Variants in FAM184A observed in about 807,000 individuals in gnomAD.
The protein encoded by FAM184A is protein FAM184A.
A neutral mutation model predicts 143.8 loss-of-function variants in FAM184A; 99 were observed. The observed-to-expected ratio is 0.69, with a 90% confidence interval of 0.58 to 0.81. FAM184A has a LOEUF of 0.81. FAM184A is among the 40% of genes least tolerant of loss of function. The pLI, the probability that FAM184A is intolerant of heterozygous loss-of-function variation, is 0.00. For synonymous variants in FAM184A, 427 were observed against 446.4 expected (o/e 0.96, Z 0.55); for missense variants, 1,217 against 1,310.5 (o/e 0.93, Z 1.10).
intron 1 of FAM184A, among the ~76,000 whole-genome samples, chr6:119,123,214 C>T (rs867216369): frequency 2.0e-5 from 3 of 151,918 alleles, no homozygotes; most frequent in Non-Finnish European, 4.4e-5. Flanking sequence ...CATGGTGAAA[C>T]CCCATCTCTA....
At chr6:118,990,943 C>T (rs185411139) in intron 9 of FAM184A, among the ~76,000 whole-genome samples, 1 of 151,782 alleles carries the variant, frequency 6.6e-6, no homozygotes, top group East Asian at 1.9e-4. Context: ...AGAAAACATC[C>T]TAAGTGCAGG....
chr6:119,109,251 T>C (rs1178300101), intron 1 of FAM184A, among the ~76,000 whole-genome samples: 1 of 152,232 alleles, frequency 6.6e-6, no homozygotes, highest in Non-Finnish European at 1.5e-5. Flanking sequence ...AACTAAATTA[T>C]AAGTGTCATG....
chr6:119,073,600 G>A (rs1232108497), intron 1 of FAM184A, among the ~76,000 whole-genome samples: 1 of 152,206 alleles, frequency 6.6e-6, no homozygotes, highest in Non-Finnish European at 1.5e-5. Flanking sequence ...GATTTCCCTG[G>A]GGAGAGCTGT....
At chr6:119,122,671 C>A (rs1789250796) in intron 1 of FAM184A, among the ~76,000 whole-genome samples, 1 of 152,058 alleles carries the variant, frequency 6.6e-6, no homozygotes, top group Non-Finnish European at 1.5e-5. Flanking sequence ...CCTGTAATCC[C>A]AGCACTTTGG....
intron 1 of FAM184A, among the ~76,000 whole-genome samples, chr6:119,106,023 C>T (rs952082850): frequency 8.5e-5 from 13 of 152,124 alleles, no homozygotes; most frequent in African/African-American, 2.9e-4. Flanking sequence ...ACATAATTGT[C>T]TCAGATTTTT....
intron 1 of FAM184A, among the ~76,000 whole-genome samples, chr6:119,048,202 G>A (rs1252041906): frequency 2.0e-5 from 3 of 152,078 alleles, no homozygotes; most frequent in Non-Finnish European, 4.4e-5. Flanking sequence ...AAAAAACTCA[G>A]TAAACAAGAT....
At chr6:118,988,684 A>G (rs1365248652) in intron 9 of FAM184A, among the ~76,000 whole-genome samples, 1 of 152,194 alleles carries the variant, frequency 6.6e-6, no homozygotes, top group Admixed American at 6.5e-5. Context: ...AGACACCCTT[A>G]TATCTTTTTA....
At chr6:119,006,173 G>C (rs778351218) in intron 7 of FAM184A, 1 of 765,254 alleles carries the variant, frequency 1.3e-6, no homozygotes, top group Non-Finnish European at 2.4e-6. Flanking sequence ...GGTGCTACCA[G>C]AAGCTGGAAA....
intron 1 of FAM184A, among the ~76,000 whole-genome samples, chr6:119,144,475 C>T (rs971190209): frequency 1.3e-5 from 2 of 152,216 alleles, no homozygotes; most frequent in African/African-American, 4.8e-5. Flanking sequence ...TGGCTTTGCC[C>T]TTCACGCCGG....
upstream of FAM184A, among the ~76,000 whole-genome samples, chr6:119,080,793 C>T (rs954741920): frequency 1.3e-5 from 2 of 151,990 alleles, no homozygotes; most frequent in African/African-American, 4.8e-5. Context: ...TTGGGATGCT[C>T]GGTTGGTAAG....
At chr6:119,016,110 T>A (rs534275224) in intron 5 of FAM184A, among the ~76,000 whole-genome samples, 7 of 152,164 alleles carry the variant, frequency 4.6e-5, no homozygotes, top group Non-Finnish European at 8.8e-5. Context: ...TGAAACTCTG[T>A]AACTAACTAA....
intron 1 of FAM184A, among the ~76,000 whole-genome samples, chr6:119,086,176 G>A (rs1339214593): frequency 1.3e-5 from 2 of 152,168 alleles, no homozygotes; most frequent in Non-Finnish European, 1.5e-5. Flanking sequence ...AAACTAGTTA[G>A]GCAAGAAATC....
intron 1 of FAM184A, among the ~76,000 whole-genome samples, chr6:119,134,735 A>G (rs554836050): frequency 1.7e-3 from 252 of 152,230 alleles, no homozygotes; most frequent in African/African-American, 5.8e-3. Context: ...CAATATACTC[A>G]CTGAGATCAC....
intron 1 of FAM184A, among the ~76,000 whole-genome samples, chr6:119,029,807 G>T (rs1049046121): frequency 6.6e-6 from 1 of 152,106 alleles, no homozygotes; most frequent in Non-Finnish European, 1.5e-5. Context: ...GCTGCTGCTT[G>T]TCTTTGTATT....
At chr6:118,966,738 A>G (rs1249489052) in intron 15 of FAM184A, 97 bp downstream of exon 15, 4 of 538,014 alleles carry the variant, frequency 7.4e-6, no homozygotes, top group South Asian at 3.3e-5. Flanking sequence ...TGTGTTTTCT[A>G]TTTTCACTTA....
chr6:119,016,544 C>G (rs1055365024), intron 5 of FAM184A, among the ~76,000 whole-genome samples: 2 of 151,694 alleles, frequency 1.3e-5, no homozygotes, highest in East Asian at 3.9e-4. Context: ...CACCAACCCA[C>G]CAGAAGGAAG....
Position 118,975,080 on chromosome 6 carries a change from C to T in FAM184A, c.2712G>A (p.Leu904=). The change falls in exon 13 of 18, where the codon CTG becomes CTA. Residue 904 remains leucine (L), a synonymous_variant. Coordinates refer to ENST00000338891, the MANE Select transcript of FAM184A (RefSeq NM_024581.6). ...HENISALTKE[L]EFKGKEILRI... Reference sequence around the variant, plus strand: ...TGAGAATTTCTTTCCCCTTAAATTCCAGTTCTTTGGTTAGGGCACTTATAT... The same window carrying T: ...TGAGAATTTCTTTCCCCTTAAATTCTAGTTCTTTGGTTAGGGCACTTATAT... 1 of 1,613,142 alleles carries T rather than the reference C, an allele frequency of 6.2e-7. No homozygotes were observed. Among genetic ancestry groups the T allele is most frequent in the South Asian group, 1.1e-5 (1 of 90,978 alleles).
At chr6:119,120,302 T>A (rs915473136) in intron 1 of FAM184A, among the ~76,000 whole-genome samples, 7 of 152,338 alleles carry the variant, frequency 4.6e-5, no homozygotes, top group Middle Eastern at 3.4e-3. Flanking sequence ...AAACATAATG[T>A]TTTCAAGGTT....
At chr6:119,124,949 C>G (rs1339428641) in intron 1 of FAM184A, among the ~76,000 whole-genome samples, 1 of 152,004 alleles carries the variant, frequency 6.6e-6, no homozygotes, top group Non-Finnish European at 1.5e-5. Context: ...CATAAAAATC[C>G]CAGGGATCCA....
Sources: allele counts gnomAD v4.1 joint callset (sites outside exome capture counted in the v4.1 genomes callset), GRCh38; gene constraint gnomAD v4.1.1; transcripts MANE v1.5; gene names NCBI Gene and HGNC (gene_info 2026-07-23, HGNC 2026-07-21).